Variants in TOX observed in about 807,000 individuals in gnomAD.
TOX encodes thymocyte selection associated high mobility group box.
In TOX, 11 loss-of-function variants were observed where a neutral mutation model predicts 53.7. The observed-to-expected ratio is 0.20, with a 90% CI of 0.13 to 0.34. The LOEUF is 0.34. Among genes scored for constraint, TOX ranks in the 10% least tolerant of loss-of-function variants. TOX has a pLI of 1.00. For synonymous variants in TOX, 225 were observed against 245.3 expected (o/e 0.92, Z 0.77); for missense variants, 570 against 664.6 (o/e 0.86, Z 1.56).
chr8:58,878,219 G>C (rs1298642534), intron 3 of TOX, among the ~76,000 whole-genome samples: 1 of 150,622 alleles, frequency 6.6e-6, no homozygotes, highest in Non-Finnish European at 1.5e-5. Context: ...AAAAAAAAAA[G>C]AGAGAGAATC....
At chr8:58,902,536 C>T (rs1028479682) in intron 3 of TOX, among the ~76,000 whole-genome samples, 1 of 152,150 alleles carries the variant, frequency 6.6e-6, no homozygotes, top group Non-Finnish European at 1.5e-5. Context: ...CTGGAGGCAT[C>T]TCAAAATCTA....
chr8:59,008,953 A>G (rs1461305161), intron 1 of TOX, among the ~76,000 whole-genome samples: 1 of 152,168 alleles, frequency 6.6e-6, no homozygotes, highest in African/African-American at 2.4e-5. Context: ...ATTTCAATAG[A>G]TATGATACTG....
At chr8:58,905,012 A>G (rs998225716) in intron 3 of TOX, among the ~76,000 whole-genome samples, 2 of 152,162 alleles carry the variant, frequency 1.3e-5, no homozygotes, top group African/African-American at 4.8e-5. Flanking sequence ...GGCTCACTGC[A>G]AGCTCCACCT....
At chr8:59,084,551 T>C (rs186257783) in intron 1 of TOX, among the ~76,000 whole-genome samples, 1 of 152,328 alleles carries the variant, frequency 6.6e-6, no homozygotes, top group East Asian at 1.9e-4. Flanking sequence ...GCATTAACAC[T>C]GATGAAATTT....
At chr8:58,990,412 T>A (rs956274550) in intron 1 of TOX, among the ~76,000 whole-genome samples, 1 of 151,306 alleles carries the variant, frequency 6.6e-6, no homozygotes, top group Non-Finnish European at 1.5e-5. Context: ...CATTTATTTA[T>A]TTTTATTTAT....
chr8:58,905,730 A>G lies in TOX; in HGVS notation c.411+33572T>C, dbSNP rs79723218. On this transcript the variant is annotated intron_variant, in intron 3 of 8. Coordinates refer to ENST00000361421, the MANE Select transcript of TOX (RefSeq NM_014729.3). ...TCACAACGTGCGCCATGCTTGCATT[A>G]TTCCTTTATACTGACGGAAGTGTAG... 4.3e-3 allele frequency among the ~76,000 whole-genome samples: 657 copies of G among 152,328 alleles called. 30 individuals are homozygous for G. In the East Asian group the frequency reaches 0.11, roughly 25 times the overall value.
At chr8:58,835,765 AT>A (rs1177645944) in intron 5 of TOX, among the ~76,000 whole-genome samples, 1 of 152,174 alleles carries the variant, frequency 6.6e-6, no homozygotes, top group Non-Finnish European at 1.5e-5. Context: ...ATGGAAAATG[AT>A]TAGGAAAATG....
chr8:59,001,208 T>G (rs1585955053), intron 1 of TOX, among the ~76,000 whole-genome samples: 1 of 152,310 alleles, frequency 6.6e-6, no homozygotes, highest in South Asian at 2.1e-4. Flanking sequence ...TGGGTTTAGA[T>G]GGATAATCAA....
intron 3 of TOX, among the ~76,000 whole-genome samples, chr8:58,875,661 AT>A (rs1157764776): frequency 1.3e-5 from 2 of 152,212 alleles, no homozygotes; most frequent in African/African-American, 4.8e-5. Context: ...TTTTGGTGAT[AT>A]TCCTTGGCAA....
At position 58,808,908 on chromosome 8, in the gene TOX, C is replaced by T. The variant is rs541362931; in HGVS notation, c.1393-639G>A. Among the ~76,000 whole-genome samples the T allele has an allele frequency of 4.6e-5, 7 of 152,260 alleles. No individual in the cohort carries two copies. In the East Asian group the frequency reaches 5.8e-4, roughly 13 times the overall value. ...GAAAACACGGGGAGGGAAAAGTGTA[C>T]GACAGAGCAAATATTTTTTAATTGA... On this transcript the variant is annotated intron_variant, in intron 7 of 8. Coordinates refer to ENST00000361421, the MANE Select transcript of TOX (RefSeq NM_014729.3).
intron 1 of TOX, among the ~76,000 whole-genome samples, chr8:59,055,725 T>C (rs1022322901): frequency 6.6e-6 from 1 of 152,176 alleles, no homozygotes; most frequent in African/African-American, 2.4e-5. Context: ...TAGAAAACAC[T>C]TTAATTTTAA....
At chr8:58,837,074 T>C (rs1810558480) in intron 5 of TOX, among the ~76,000 whole-genome samples, 1 of 152,174 alleles carries the variant, frequency 6.6e-6, no homozygotes, top group African/African-American at 2.4e-5. Flanking sequence ...TTTATAGATG[T>C]TAATATATAA....
At chr8:58,906,012 C>T (rs1811809054) in intron 3 of TOX, among the ~76,000 whole-genome samples, 1 of 152,156 alleles carries the variant, frequency 6.6e-6, no homozygotes, top group South Asian at 2.1e-4. Context: ...TAAGGATGTA[C>T]TTTTCTAGGA....
intron 5 of TOX, among the ~76,000 whole-genome samples, chr8:58,833,710 TG>T (rs1810502411): frequency 6.6e-6 from 1 of 152,222 alleles, no homozygotes; most frequent in African/African-American, 2.4e-5. Flanking sequence ...GCTTCTGAAA[TG>T]GGCTCTCCAT....
intron 3 of TOX, among the ~76,000 whole-genome samples, chr8:58,880,248 C>T (rs569982350): frequency 1.3e-5 from 2 of 152,128 alleles, no homozygotes; most frequent in Non-Finnish European, 2.9e-5. Flanking sequence ...TAGACAATGG[C>T]ATTGCAGAGT....
At chr8:59,034,126 C>T (rs868018054) in intron 1 of TOX, among the ~76,000 whole-genome samples, 2 of 152,194 alleles carry the variant, frequency 1.3e-5, no homozygotes, top group Non-Finnish European at 2.9e-5. Context: ...CCTGCAATAT[C>T]GAGGAGCTCT....
chr8:59,097,174 A>C (rs1213279360), intron 1 of TOX, among the ~76,000 whole-genome samples: 1 of 152,164 alleles, frequency 6.6e-6, no homozygotes, highest in East Asian at 1.9e-4. Flanking sequence ...GAAGGTTCTG[A>C]CCACAGTTCC....
At chr8:58,890,763 A>G (rs2129171849) in intron 3 of TOX, among the ~76,000 whole-genome samples, 1 of 152,258 alleles carries the variant, frequency 6.6e-6, no homozygotes, top group South Asian at 2.1e-4. Context: ...AAGCATTTGA[A>G]GTCATGGAAC....
At chr8:59,011,425 A>G (rs1162653287) in intron 1 of TOX, among the ~76,000 whole-genome samples, 1 of 152,246 alleles carries the variant, frequency 6.6e-6, no homozygotes, top group Non-Finnish European at 1.5e-5. Flanking sequence ...AGCTCTGGAA[A>G]GAAGAAAGAA....
Sources: gnomAD v4.1 joint callset for allele counts (sites outside exome capture counted in the v4.1 genomes callset) on GRCh38, gnomAD v4.1.1 for gene constraint, MANE v1.5 for transcripts, NCBI Gene and HGNC (gene_info 2026-07-23, HGNC 2026-07-21) for gene names.